Variants in SYCP2L observed in about 807,000 individuals in gnomAD.
SYCP2L encodes synaptonemal complex protein 2 like, also known as synaptonemal complex protein 2-like.
SYCP2L carries 98 observed loss-of-function variants against 125.8 expected under a neutral mutation model. The ratio of observed to expected loss-of-function variants is 0.78; its 90% confidence interval spans 0.66 to 0.92. SYCP2L has a LOEUF of 0.92. SYCP2L is among the 40% of genes least tolerant of loss of function. The pLI is 0.00. For missense variants in SYCP2L, 842 were observed against 936.4 expected, an observed-to-expected ratio of 0.90 and a Z score of 1.32; for synonymous variants, 317 against 325.4, an observed-to-expected ratio of 0.97 and a Z score of 0.28.
chr6:10,931,561 T>A, intron 20 of SYCP2L, 72 bp downstream of exon 20: 2 of 1,417,852 alleles, frequency 1.4e-6, no homozygotes, highest in Non-Finnish European at 2.0e-6. Flanking sequence ...AAAACAACTT[T>A]CAGAAATATA....
At position 10,955,111 on chromosome 6, in the gene SYCP2L, T is replaced by G. The variant is rs1291395578; in HGVS notation, c.1955-5T>G. 1 of 1,604,024 alleles carries G rather than the reference T, an allele frequency of 6.2e-7. No individual in the cohort carries two copies. The highest frequency in any genetic ancestry group is 1.7e-5 in the Admixed American group (1 of 59,958). On this transcript the variant is annotated splice_polypyrimidine_tract_variant and splice_region_variant and intron_variant, in intron 23 of 29. Coordinates refer to ENST00000283141, the MANE Select transcript of SYCP2L (RefSeq NM_001040274.3). ...CAAAAGGAAATGTGCTCTGTTTGCC[T>G]GTAGACATACCAGAAGGTAGTTTTG... is the stretch of plus-strand genomic sequence containing the variant.
In SYCP2L at chr6:10,931,646, T is replaced by C. The variant is rs1424208285; in HGVS notation, c.1683+157T>C. ...ATTTCAAGGTCTTCTAAATGTTTAA[T>C]ATGACTCTTGGGTAAGTAAGTGTTT... On this transcript the variant is annotated intron_variant, in intron 20 of 29. Coordinates refer to ENST00000283141, the MANE Select transcript of SYCP2L (RefSeq NM_001040274.3). 3.3e-5 allele frequency among the ~76,000 whole-genome samples: 5 copies of C among 152,334 alleles called. No individual in the cohort carries two copies. In the East Asian group the frequency reaches 5.8e-4, roughly 18 times the overall value.
At chr6:10,962,342 T>G (rs183547203) in intron 28 of SYCP2L, among the ~76,000 whole-genome samples, 8 of 118,796 alleles carry the variant, frequency 6.7e-5, no homozygotes, top group South Asian at 2.8e-4. Context: ...GAGTTATCCA[T>G]CCTGCCTTTT....
intron 14 of SYCP2L, among the ~76,000 whole-genome samples, chr6:10,918,197 C>CAA (rs540012555): frequency 1.0e-4 from 8 of 77,966 alleles, no homozygotes; most frequent in Admixed American, 1.5e-4. Context: ...GACTCCATCT[C>CAA]AAAAAAAAAA....
At chr6:10,957,716 C>G (rs1177251694) in intron 25 of SYCP2L, among the ~76,000 whole-genome samples, 6 of 152,180 alleles carry the variant, frequency 3.9e-5, no homozygotes, top group Non-Finnish European at 7.3e-5. Context: ...ACTCAGGAAG[C>G]TGAGGTAAGA....
intron 12 of SYCP2L, among the ~76,000 whole-genome samples, 189 bp downstream of exon 12, chr6:10,911,058 AAG>A (rs2113319776): frequency 6.6e-6 from 1 of 152,258 alleles, no homozygotes; most frequent in African/African-American, 2.4e-5. Flanking sequence ...CGTTACCAGT[AAG>A]TTTAAGGCCT....
At chr6:10,907,901 T>TTTTGTTTTTTTTTTG (rs1290742578) in intron 10 of SYCP2L, among the ~76,000 whole-genome samples, 2 of 132,026 alleles carry the variant, frequency 1.5e-5, no homozygotes, top group African/African-American at 6.4e-5. Flanking sequence ...GGTTTTTTTT[T>TTTTGTTTTTTTTTTG]TTTTTTTTTG....
rs1280393292 is a variant in SYCP2L at position 10,912,824 on chromosome 6, A to G, written c.1012-43A>G. On this transcript the variant is annotated intron_variant, in intron 13 of 29. Coordinates refer to ENST00000283141, the MANE Select transcript of SYCP2L (RefSeq NM_001040274.3). The surrounding 1 kb of genome is among the most constrained non-coding windows in gnomAD (Gnocchi z 4.1). ...CTTTAGAGATCTTTTTTATGTAAGT[A>G]TGTGTTTTGCACTCATGAATTTCAC... 1.7e-5 allele frequency: 28 copies of G among 1,608,838 alleles called. No individual in the cohort carries two copies. The highest frequency in any genetic ancestry group is 2.7e-5 in the African/African-American group (2 of 74,788).
Position 10,950,304 on chromosome 6 carries a change from A to C in SYCP2L, c.1955-4812A>C, listed in dbSNP as rs76608606. Among the ~76,000 whole-genome samples the C allele has an allele frequency of 9.9e-4, 150 of 152,176 alleles. No homozygotes were observed. The East Asian group carries it at 0.02, about 21-fold the overall frequency. On this transcript the variant is annotated intron_variant, in intron 23 of 29. Coordinates refer to ENST00000283141, the MANE Select transcript of SYCP2L (RefSeq NM_001040274.3). ...GCCTTATGGTTGAAAACTGTATCCAAATTTCATGAGCGTTCCGTGCCGTAC... is the reference window on the plus strand; with the variant it reads ...GCCTTATGGTTGAAAACTGTATCCACATTTCATGAGCGTTCCGTGCCGTAC...
rs895400661 is a variant in SYCP2L at position 10,912,378 on chromosome 6, C to T, written c.919-295C>T. On this transcript the variant is annotated intron_variant, in intron 12 of 29. Coordinates refer to ENST00000283141, the MANE Select transcript of SYCP2L (RefSeq NM_001040274.3). This position sits in a 1 kb window ranked among gnomAD's most constrained non-coding sequence, Gnocchi z 4.1. ...TGATTCAACATAGAACTGTTTTCTC[C>T]GTGATTTTCATTAGAAAAAAAATTG... 1.3e-5 allele frequency among the ~76,000 whole-genome samples: 2 copies of T among 152,032 alleles called. No homozygotes were observed. The highest frequency in any genetic ancestry group is 2.4e-5 in the African/African-American group (1 of 41,492).
At chr6:10,943,701 T>A (rs1333492130) in intron 23 of SYCP2L, among the ~76,000 whole-genome samples, 1 of 152,232 alleles carries the variant, frequency 6.6e-6, no homozygotes, top group Non-Finnish European at 1.5e-5. Flanking sequence ...CTTATGACTT[T>A]TGTAAACATC....
chr6:10,944,308 G>A (rs1353412480), intron 23 of SYCP2L, among the ~76,000 whole-genome samples: 1 of 152,156 alleles, frequency 6.6e-6, no homozygotes, highest in Non-Finnish European at 1.5e-5. Flanking sequence ...TTAGCCATTT[G>A]AATTTCCTCT....
chr6:10,932,469 G>A (rs1014760443), intron 20 of SYCP2L, among the ~76,000 whole-genome samples: 23 of 152,106 alleles, frequency 1.5e-4, no homozygotes, highest in Admixed American at 1.2e-3. Context: ...TGAGAGTATC[G>A]ACAGTGCCCC....
intron 22 of SYCP2L, 37 bp from the exon 23 acceptor site, chr6:10,942,640 A>G: frequency 6.2e-7 from 1 of 1,610,690 alleles, no homozygotes; most frequent in Non-Finnish European, 8.5e-7. Flanking sequence ...TTGCTTTGCC[A>G]TAAAGGACGT....
In SYCP2L at chr6:10,960,218, C is replaced by T. The variant is rs1221753695; in HGVS notation, c.2256-1087C>T. Among the ~76,000 whole-genome samples the T allele has an allele frequency of 2.6e-5, 4 of 152,294 alleles. No individual in the cohort carries two copies. The East Asian group carries it at 7.7e-4, about 29-fold the overall frequency. On this transcript the variant is annotated intron_variant, in intron 26 of 29. Transcript: ENST00000283141. ...GGCAAGTTGATTTGCTTAACTGAGA[C>T]AGAAATTTTCTTAGGATGGAATACA...
chr6:10,928,113 G>C (rs1406961911), intron 17 of SYCP2L, among the ~76,000 whole-genome samples: 1 of 151,902 alleles, frequency 6.6e-6, no homozygotes, highest in African/African-American at 2.4e-5. Context: ...AATTTGTGCA[G>C]TTAACGCAAT....
intron 19 of SYCP2L, 62 bp from the exon 20 acceptor site, chr6:10,931,378 A>G: frequency 6.5e-7 from 1 of 1,530,074 alleles, no homozygotes; most frequent in Admixed American, 1.7e-5. Flanking sequence ...GAGACGGAGT[A>G]GAGAATTTTT....
chr6:10,964,698 A>AT (rs1256814789), intron 29 of SYCP2L, among the ~76,000 whole-genome samples: 1 of 152,168 alleles, frequency 6.6e-6, no homozygotes, highest in Non-Finnish European at 1.5e-5. Flanking sequence ...TAAAAGATAC[A>AT]TTTTTTGAAG....
intron 8 of SYCP2L, among the ~76,000 whole-genome samples, chr6:10,903,595 C>CA (rs1231760629): frequency 2.0e-5 from 3 of 151,328 alleles, no homozygotes; most frequent in Non-Finnish European, 4.4e-5. Flanking sequence ...ACTAAAAATA[C>CA]AAAAAATTAG....
Sources: allele counts gnomAD v4.1 joint callset (sites outside exome capture counted in the v4.1 genomes callset), GRCh38; gene constraint gnomAD v4.1.1; non-coding constraint Gnocchi (gnomAD v3.1); transcripts MANE v1.5; gene names NCBI Gene and HGNC (gene_info 2026-07-23, HGNC 2026-07-21).